NEGR1: variants seen among roughly 807,000 people sequenced by gnomAD.
NEGR1 encodes the protein neuronal growth regulator 1, also known as IgLON family member 4.
NEGR1 carries 10 observed loss-of-function variants against 40.9 expected under a neutral mutation model. The ratio of observed to expected loss-of-function variants is 0.24; its 90% CI spans 0.15 to 0.42. The LOEUF is 0.42. NEGR1 is among the 10% of genes least tolerant of loss of function. The probability of loss-of-function intolerance (pLI) is 1.00; values close to 1 mark genes in which losing one functional copy is unlikely to be tolerated. For synonymous variants in NEGR1, 185 were observed against 166.8 expected, an observed-to-expected ratio of 1.11 and a Z score of -0.84; for missense variants, 352 against 438.9, an observed-to-expected ratio of 0.80 and a Z score of 1.77.
rs192282823 is a variant in NEGR1 at position 71,582,987 on chromosome 1, G to A, written c.940+9830C>T. Reference sequence around the variant, plus strand: ...AAGCAATTTTGGGCTTCCCTATTCAGAGGCTGTTTGGTTCCGTTCTGAATC... The same window carrying A: ...AAGCAATTTTGGGCTTCCCTATTCAAAGGCTGTTTGGTTCCGTTCTGAATC... On this transcript the variant is annotated intron_variant, in intron 6 of 6. Transcript: ENST00000357731. Among the ~76,000 whole-genome samples, 424 of 152,256 alleles carry A rather than the reference G, an allele frequency of 2.8e-3. 3 individuals are homozygous for A. The highest frequency in any genetic ancestry group is 9.8e-3 in the African/African-American group (409 of 41,532).
chr1:71,643,384 A>G (rs747855730), intron 4 of NEGR1, among the ~76,000 whole-genome samples: 1 of 152,006 alleles, frequency 6.6e-6, no homozygotes, highest in Non-Finnish European at 1.5e-5. Flanking sequence ...CCAGAAAAAA[A>G]TGATATGCTG....
chr1:71,870,392 G>C (rs1570451186), intron 2 of NEGR1, among the ~76,000 whole-genome samples: 1 of 152,230 alleles, frequency 6.6e-6, no homozygotes, highest in Non-Finnish European at 1.5e-5. Context: ...GCAATTTATA[G>C]TTATAGAAAT....
intron 2 of NEGR1, among the ~76,000 whole-genome samples, chr1:71,927,818 T>TAAAAAAAAAAAAAAAAAAAAAAAAA (rs35429988): frequency 4.5e-5 from 1 of 22,448 alleles, no homozygotes; most frequent in Admixed American, 7.8e-4. Flanking sequence ...ACCCAATCTC[T>TAAAAAAAAAAAAAAAAAAAAAAAAA]AAAAAAAAAA....
chr1:71,772,868 T>A lies in NEGR1; in HGVS notation c.535+3304A>T, dbSNP rs553494854. On this transcript the variant is annotated intron_variant, in intron 3 of 6. Transcript: ENST00000357731. ...CAAAATCCCAATGAATCTAACTGGG[T>A]AAAGCATACAGAATATTCTCTGTTT... 5.9e-5 allele frequency among the ~76,000 whole-genome samples: 9 copies of A among 152,270 alleles called. No individual in the cohort carries two copies. In the South Asian group the frequency reaches 1.7e-3, roughly 28 times the overall value.
At chr1:71,988,703 T>C (rs1392858957) in intron 1 of NEGR1, among the ~76,000 whole-genome samples, 1 of 151,704 alleles carries the variant, frequency 6.6e-6, no homozygotes, top group Non-Finnish European at 1.5e-5. Context: ...TAAATACATG[T>C]GTAGGTTTTA....
chr1:71,819,421 A>G (rs1341515874), intron 2 of NEGR1, among the ~76,000 whole-genome samples: 1 of 151,950 alleles, frequency 6.6e-6, no homozygotes, highest in East Asian at 1.9e-4. Flanking sequence ...ATCCTTAGAG[A>G]GGTTCGAGAA....
chr1:71,861,881 T>G (rs1216330381), intron 2 of NEGR1, among the ~76,000 whole-genome samples: 2 of 151,994 alleles, frequency 1.3e-5, no homozygotes, highest in Non-Finnish European at 2.9e-5. Flanking sequence ...AGAAAAACCA[T>G]GTATTTAGAT....
At chr1:71,954,123 C>T (rs1646096637) in intron 1 of NEGR1, among the ~76,000 whole-genome samples, 1 of 151,612 alleles carries the variant, frequency 6.6e-6, no homozygotes, top group Non-Finnish European at 1.5e-5. Context: ...AATCATTTAG[C>T]GTTAGAAAAG....
chr1:72,116,249 T>C (rs1454440835), intron 1 of NEGR1, among the ~76,000 whole-genome samples: 2 of 151,782 alleles, frequency 1.3e-5, no homozygotes, highest in African/African-American at 4.8e-5. Flanking sequence ...CTTTTTAACT[T>C]TGTGCATATT....
At chr1:72,156,593 T>C (rs1006774112) in intron 1 of NEGR1, among the ~76,000 whole-genome samples, 2 of 152,172 alleles carry the variant, frequency 1.3e-5, no homozygotes, top group Admixed American at 6.5e-5. Flanking sequence ...TACATCTGTA[T>C]TGCTATTTTT....
At chr1:72,102,049 T>C (rs751601021) in intron 1 of NEGR1, among the ~76,000 whole-genome samples, 17 of 152,112 alleles carry the variant, frequency 1.1e-4, no homozygotes, top group Non-Finnish European at 1.9e-4. Flanking sequence ...ATGCTGACTC[T>C]GCAACTCTAA....
At chr1:72,118,832 T>C (rs1649681173) in intron 1 of NEGR1, among the ~76,000 whole-genome samples, 1 of 151,842 alleles carries the variant, frequency 6.6e-6, no homozygotes, top group Non-Finnish European at 1.5e-5. Context: ...CTATATTTTC[T>C]ATGTTCTATT....
At chr1:71,555,828 T>C (rs780378484) in intron 6 of NEGR1, among the ~76,000 whole-genome samples, 19 of 151,702 alleles carry the variant, frequency 1.3e-4, no homozygotes, top group South Asian at 6.2e-4. Context: ...TCACTCTCAC[T>C]GAAGTCATTT....
At chr1:71,944,075 T>C (rs992882246) in intron 1 of NEGR1, among the ~76,000 whole-genome samples, 1 of 152,216 alleles carries the variant, frequency 6.6e-6, no homozygotes, top group Admixed American at 6.5e-5. Context: ...CTAAATCAGC[T>C]TGCTTTCTCC....
chr1:71,988,545 C>CAAAAAAAA (rs1197884975), intron 1 of NEGR1, among the ~76,000 whole-genome samples: 5 of 39,740 alleles, frequency 1.3e-4, no homozygotes, highest in Non-Finnish European at 2.4e-4. Flanking sequence ...GACTCCGTCT[C>CAAAAAAAA]AAAAAAAAAA....
chr1:71,656,782 G>A (rs1264023324), intron 4 of NEGR1, among the ~76,000 whole-genome samples: 1 of 152,196 alleles, frequency 6.6e-6, no homozygotes, highest in Admixed American at 6.5e-5. Flanking sequence ...ATAAAAGAGA[G>A]AATTTGGTGT....
intron 2 of NEGR1, among the ~76,000 whole-genome samples, chr1:71,829,992 G>C (rs968268332): frequency 1.3e-5 from 2 of 151,502 alleles, no homozygotes; most frequent in Non-Finnish European, 2.9e-5. Flanking sequence ...CTTTCCTCTG[G>C]TCTAATCTTC....
At chr1:71,473,764 C>T (rs1336999744) in intron 6 of NEGR1, among the ~76,000 whole-genome samples, 5 of 151,986 alleles carry the variant, frequency 3.3e-5, no homozygotes. Flanking sequence ...TCAAAATATT[C>T]CCTTATCCCT....
intron 6 of NEGR1, among the ~76,000 whole-genome samples, chr1:71,536,128 G>C (rs1260828300): frequency 6.6e-6 from 1 of 151,726 alleles, no homozygotes; most frequent in African/African-American, 2.4e-5. Context: ...AATGGCATGA[G>C]TAAGGAAACT....
Sources: gnomAD v4.1 joint callset for allele counts (sites outside exome capture counted in the v4.1 genomes callset) on GRCh38, gnomAD v4.1.1 for gene constraint, MANE v1.5 for transcripts, NCBI Gene and HGNC (gene_info 2026-07-23, HGNC 2026-07-21) for gene names.